The following PHKA2 variants were observed in gnomAD, a reference collection of about 807,000 sequenced individuals.
The protein encoded by PHKA2 is phosphorylase b kinase regulatory subunit alpha, liver isoform.
In PHKA2, 31 loss-of-function variants were observed where a neutral mutation model predicts 102.0. The observed-to-expected ratio is 0.30, with a 90% CI of 0.23 to 0.41. The LOEUF (loss-of-function observed/expected upper bound fraction) is 0.41, where lower values mean the gene tolerates loss of function less well. Among genes scored for constraint, PHKA2 ranks in the 10% least tolerant of loss-of-function variants. The pLI is 1.00. For missense variants in PHKA2, 858 were observed against 1,023.1 expected (o/e 0.84, Z 2.20); for synonymous variants, 455 against 416.2 (o/e 1.09, Z -1.13).
At chrX:18,955,779 CAT>C (rs943807693) in intron 1 of PHKA2, among the ~76,000 whole-genome samples, 7 of 112,272 alleles carry the variant, frequency 6.2e-5, no homozygotes, top group African/African-American at 2.3e-4. Flanking sequence ...CATGGTTTCA[CAT>C]GTTCCCACCT....
chrX:18,904,668 G>C (rs1375188163), intron 26 of PHKA2, among the ~76,000 whole-genome samples: 3 of 112,070 alleles, frequency 2.7e-5, no homozygotes, highest in Non-Finnish European at 5.6e-5. Context: ...TTCGGGAAAG[G>C]AGAAAAACCA....
At chrX:18,978,362 T>C (rs1601809523) in intron 1 of PHKA2, among the ~76,000 whole-genome samples, 1 of 111,518 alleles carries the variant, frequency 9.0e-6, no homozygotes, top group East Asian at 2.8e-4. Flanking sequence ...CCAGCAGCCT[T>C]TTCCTCCCTT....
At chrX:18,935,907 C>A (rs764466001) in intron 11 of PHKA2, 148 bp downstream of exon 11, 1 of 502,436 alleles carries the variant, frequency 2.0e-6, no homozygotes, top group East Asian at 3.8e-5. Flanking sequence ...TGAGCCACCG[C>A]GCCCAGCCTA....
At chrX:18,959,791 C>A (rs749912966) in intron 1 of PHKA2, among the ~76,000 whole-genome samples, 22 of 111,528 alleles carry the variant, frequency 2.0e-4, no homozygotes, top group Non-Finnish European at 3.8e-5. Context: ...TATGGCAACT[C>A]AGAGGATAGC....
At chrX:18,906,200 G>A (rs1391409167) in intron 25 of PHKA2, among the ~76,000 whole-genome samples, 1 of 112,184 alleles carries the variant, frequency 8.9e-6, no homozygotes, top group Non-Finnish European at 1.9e-5. Context: ...CATAGCAAGG[G>A]CATCCAGGAA....
At chrX:18,911,532 C>G (rs1040165862) in intron 19 of PHKA2, among the ~76,000 whole-genome samples, 2 of 111,833 alleles carry the variant, frequency 1.8e-5, no homozygotes, top group Non-Finnish European at 3.8e-5. Context: ...TGGTCTTGAA[C>G]TCCTGACCTC....
intron 2 of PHKA2, 96 bp downstream of exon 2, chrX:18,954,158 C>T: frequency 7.5e-6 from 7 of 933,257 alleles, no homozygotes; most frequent in Non-Finnish European, 1.1e-5. Context: ...GGCCTACACC[C>T]AAACAGTTCT....
At chrX:18,906,382 C>T in intron 25 of PHKA2, 113 bp downstream of exon 25, 1 of 974,328 alleles carries the variant, frequency 1.0e-6, no homozygotes, top group Non-Finnish European at 1.5e-6. Flanking sequence ...TTGCCACAGG[C>T]TTGGATGCTG....
At chrX:18,980,705 G>A (rs1158152416) in intron 1 of PHKA2, among the ~76,000 whole-genome samples, 2 of 111,640 alleles carry the variant, frequency 1.8e-5, no homozygotes, top group Non-Finnish European at 1.9e-5. Context: ...GACCGGTGCC[G>A]GTGCAGGTCC....
intron 1 of PHKA2, among the ~76,000 whole-genome samples, chrX:18,978,923 T>G (rs1488615113): frequency 9.1e-6 from 1 of 110,351 alleles, no homozygotes; most frequent in East Asian, 2.9e-4. Flanking sequence ...GTGGATCACT[T>G]GAGGTCAGGA....
At chrX:18,968,324 T>C (rs1189922457) in intron 1 of PHKA2, among the ~76,000 whole-genome samples, 2 of 112,736 alleles carry the variant, frequency 1.8e-5, no homozygotes, top group East Asian at 5.5e-4. Flanking sequence ...TCCGGCTTAA[T>C]AGAAGATAGC....
intron 8 of PHKA2, 72 bp from the exon 9 acceptor site, chrX:18,940,120 C>T: frequency 1.5e-6 from 1 of 663,068 alleles, no homozygotes; most frequent in Non-Finnish European, 2.5e-6. Context: ...CAGCCCTGCA[C>T]CCTCTTTCCC....
At chrX:18,936,935 A>C (rs1253905186) in intron 10 of PHKA2, among the ~76,000 whole-genome samples, 2 of 112,356 alleles carry the variant, frequency 1.8e-5, no homozygotes, top group Non-Finnish European at 3.8e-5. Context: ...TCCCCCCATC[A>C]TTGTTAAGCC....
intron 1 of PHKA2, among the ~76,000 whole-genome samples, chrX:18,980,728 G>T (rs1172585633): frequency 1.8e-5 from 2 of 111,726 alleles, no homozygotes; most frequent in African/African-American, 6.5e-5. Context: ...TGTATGCTGA[G>T]CGCCGGTCTC....
intron 1 of PHKA2, among the ~76,000 whole-genome samples, chrX:18,966,245 A>G (rs1301451806): frequency 2.8e-5 from 3 of 107,471 alleles, no homozygotes; most frequent in Non-Finnish European, 5.8e-5. Context: ...GCGACACCAC[A>G]CTCGGCTAAT....
At chrX:18,895,390 T>C in intron 30 of PHKA2, 199 bp from the exon 31 acceptor site, 2 of 468,942 alleles carry the variant, frequency 4.3e-6, no homozygotes, top group Non-Finnish European at 7.6e-6. Flanking sequence ...GGAACAATTC[T>C]AGGGAACCCA....
chrX:18,957,119 G>C (rs995567406), intron 1 of PHKA2, among the ~76,000 whole-genome samples: 1 of 112,486 alleles, frequency 8.9e-6, no homozygotes, highest in Non-Finnish European at 1.9e-5. Flanking sequence ...AGTCAGGCTG[G>C]TCTTGTGCTC....
Position 18,906,442 on chromosome X carries a change from C to T in PHKA2, c.2806+53G>A, listed in dbSNP as rs768062847. Reference sequence around the variant, plus strand: ...TTCCCCTGAGAGTGGAGGCCGTGGCCGGGTGGTTGGGGTGGGGTGCGGCGG... The same window carrying T: ...TTCCCCTGAGAGTGGAGGCCGTGGCTGGGTGGTTGGGGTGGGGTGCGGCGG... On this transcript the variant is annotated intron_variant, in intron 25 of 32. Coordinates refer to ENST00000379942, the MANE Select transcript of PHKA2 (RefSeq NM_000292.3). 9.5e-5 allele frequency: 114 copies of T among 1,198,985 alleles called. 1 individual carries two copies. The highest frequency in any genetic ancestry group is 1.9e-4 in the South Asian group (11 of 56,623).
chrX:18,926,322 G>C (rs781299391), intron 14 of PHKA2, 131 bp downstream of exon 14: 1 of 584,536 alleles, frequency 1.7e-6, no homozygotes, highest in East Asian at 3.3e-5. Flanking sequence ...ACATCGAAGC[G>C]GTGGAACCGC....
Sources: allele counts gnomAD v4.1 joint callset (sites outside exome capture counted in the v4.1 genomes callset), GRCh38; gene constraint gnomAD v4.1.1; transcripts MANE v1.5; gene names NCBI Gene and HGNC (gene_info 2026-07-23, HGNC 2026-07-21).